PLSCR2: variants seen among roughly 807,000 people sequenced by gnomAD.
PLSCR2 encodes PL scramblase 2.
Under a neutral mutation model 25.3 loss-of-function variants are expected in PLSCR2, and 18 were observed. That is an observed-to-expected ratio of 0.71 (90% CI 0.49 to 1.06). The LOEUF (loss-of-function observed/expected upper bound fraction) is 1.06. Ranked by LOEUF, PLSCR2 falls within the 50% of genes least tolerant of loss-of-function variation. The probability of loss-of-function intolerance (pLI) is 0.00; values close to 1 mark genes in which losing one functional copy is unlikely to be tolerated. For synonymous variants in PLSCR2, 88 were observed against 87.3 expected (o/e 1.01, Z -0.04); for missense variants, 243 against 269.5 (o/e 0.90, Z 0.69).
At chr3:146,434,771 T>C (rs2039728694) in intron 8 of PLSCR2, among the ~76,000 whole-genome samples, 1 of 152,124 alleles carries the variant, frequency 6.6e-6, no homozygotes, top group Non-Finnish European at 1.5e-5. Context: ...TTTATTTATT[T>C]ATTTACTTTT....
intron 2 of PLSCR2, among the ~76,000 whole-genome samples, chr3:146,421,963 T>C (rs2108077776): frequency 6.6e-6 from 1 of 152,230 alleles, no homozygotes; most frequent in Middle Eastern, 3.4e-3. Flanking sequence ...TTATCTTATT[T>C]GCCTGGCCCC....
chr3:146,480,080 C>T (rs929579977), intron 1 of PLSCR2, among the ~76,000 whole-genome samples: 3 of 152,092 alleles, frequency 2.0e-5, no homozygotes, highest in African/African-American at 4.8e-5. Context: ...GGGACACATT[C>T]AAAGCCGTAT....
Position 146,454,063 on chromosome 3 carries a change from TC to T in PLSCR2, c.421del (p.Asp141MetfsTer3). ...ACATGGACCACTAATTTTTAGTACA[TC>T]CTCTCTTTTCTGATTTTTAATTGTA... On this transcript the variant is annotated frameshift_variant, in exon 5 of 7. Coordinates refer to ENST00000610787, the Ensembl canonical transcript of PLSCR2. LOFTEE classifies it high-confidence loss of function. 1 of 1,610,452 alleles carries T rather than the reference TC, an allele frequency of 6.2e-7. No homozygotes were observed. The highest frequency in any genetic ancestry group is 8.5e-7 in the Non-Finnish European group (1 of 1,178,788).
chr3:146,466,611 G>A (rs1297731520), intron 1 of PLSCR2, among the ~76,000 whole-genome samples: 1 of 152,170 alleles, frequency 6.6e-6, no homozygotes, highest in Admixed American at 6.5e-5. Context: ...CTTAAAGTCA[G>A]TTATTCTCAT....
At chr3:146,483,495 A>ATATATATATATATATACATGTG (rs1227332975) in intron 1 of PLSCR2, among the ~76,000 whole-genome samples, 1 of 113,090 alleles carries the variant, frequency 8.8e-6, no homozygotes, top group African/African-American at 3.4e-5. Flanking sequence ...ATATATATAT[A>ATATATATATATATATACATGTG]TATATATATA....
intron 1 of PLSCR2, among the ~76,000 whole-genome samples, chr3:146,473,676 C>T (rs1440579881): frequency 1.3e-5 from 2 of 152,186 alleles, no homozygotes; most frequent in Non-Finnish European, 2.9e-5. Flanking sequence ...CTAATCAAAA[C>T]TCAGTATCTG....
chr3:146,461,369 T>C (rs1278316474), upstream of PLSCR2, among the ~76,000 whole-genome samples: 1 of 152,210 alleles, frequency 6.6e-6, no homozygotes, highest in Admixed American at 6.5e-5. Flanking sequence ...TTATAATTTA[T>C]TCCTCCTACG....
chr3:146,431,885 A>C (rs1339042766), downstream of PLSCR2, among the ~76,000 whole-genome samples: 1 of 149,978 alleles, frequency 6.7e-6, no homozygotes, highest in Non-Finnish European at 1.5e-5. Flanking sequence ...AAAAGACTTT[A>C]TTATCTTCTT....
intron 2 of PLSCR2, among the ~76,000 whole-genome samples, chr3:146,418,114 C>A (rs997000036): frequency 6.6e-6 from 1 of 152,116 alleles, no homozygotes; most frequent in African/African-American, 2.4e-5. Context: ...ATCCTTAATG[C>A]AATTATGTTT....
intron 2 of PLSCR2, among the ~76,000 whole-genome samples, chr3:146,404,649 G>A (rs2038589854): frequency 6.6e-6 from 1 of 152,094 alleles, no homozygotes; most frequent in South Asian, 2.1e-4. Flanking sequence ...AACATCTAGA[G>A]TCTCATCTGA....
chr3:146,404,828 G>GGA (rs1423494647), intron 2 of PLSCR2, among the ~76,000 whole-genome samples: 26 of 150,438 alleles, frequency 1.7e-4, no homozygotes, highest in Non-Finnish European at 3.4e-4. Flanking sequence ...AAAAGGGGGG[G>GGA]GGTGGTGGTT....
chr3:146,423,110 G>T (rs2039205708), intron 2 of PLSCR2, among the ~76,000 whole-genome samples: 1 of 151,966 alleles, frequency 6.6e-6, no homozygotes, highest in South Asian at 2.1e-4. Context: ...ATTCAGCTGT[G>T]ACTGAGACCT....
chr3:146,475,560 T>G (rs2042258413), intron 1 of PLSCR2, among the ~76,000 whole-genome samples: 1 of 152,190 alleles, frequency 6.6e-6, no homozygotes, highest in African/African-American at 2.4e-5. Flanking sequence ...GCTGGTGGTG[T>G]TTTTCCTATT....
chr3:146,445,234 T>C lies in PLSCR2; in HGVS notation c.646-3413A>G, dbSNP rs566909336. On this transcript the variant is annotated intron_variant, in intron 6 of 6. Transcript: ENST00000610787. ...AGTGTTATAATATTCTGTGTTTATC[T>C]GTGTACTTACTATTACCAGTGAGTT... 8.5e-5 allele frequency among the ~76,000 whole-genome samples: 13 copies of C among 152,250 alleles called. No homozygotes were observed. In the South Asian group the frequency reaches 2.7e-3, roughly 32 times the overall value.
intron 1 of PLSCR2, among the ~76,000 whole-genome samples, chr3:146,484,377 T>G (rs2043266588): frequency 6.6e-6 from 1 of 151,834 alleles, no homozygotes; most frequent in African/African-American, 2.4e-5. Flanking sequence ...CAGGATATCA[T>G]CCAGAAGAGC....
rs189877109 is a variant in PLSCR2 at position 146,445,854 on chromosome 3, T to G, written c.645+3352A>C. ...TTGTTTTTTATTTTTTATTTTTGTCTCCTCTGTCTATTTTCAAATATCCTG... is the reference window on the plus strand; with the variant it reads ...TTGTTTTTTATTTTTTATTTTTGTCGCCTCTGTCTATTTTCAAATATCCTG... On this transcript the variant is annotated intron_variant, in intron 6 of 6. Transcript: ENST00000610787. Among the ~76,000 whole-genome samples the G allele has an allele frequency of 1.4e-3, 220 of 152,240 alleles. 1 individual carries two copies. The highest frequency in any genetic ancestry group is 4.7e-3 in the African/African-American group (195 of 41,540).
At position 146,458,295 on chromosome 3, in the gene PLSCR2, A is replaced by C. The variant is rs2041338232; in HGVS notation, c.100+116T>G. On this transcript the variant is annotated intron_variant, in intron 3 of 6. Coordinates refer to ENST00000610787, the Ensembl canonical transcript of PLSCR2. The stretch of plus-strand genomic sequence containing the variant: ...ATTGTAAAGACAGACATTCGTAAAT[A>C]GTCAGTTTTACCATCCCACATCACT... 13 of 789,212 alleles carry C rather than the reference A, an allele frequency of 1.6e-5. No individual in the cohort carries two copies. In the South Asian group the frequency reaches 2.7e-4, roughly 17 times the overall value. The allele number at this position is 789,212 out of a possible 1,614,324, so 48.9% of individuals were successfully genotyped here.
chr3:146,434,040 A>G (rs2039672340), intron 8 of PLSCR2, among the ~76,000 whole-genome samples: 1 of 152,154 alleles, frequency 6.6e-6, no homozygotes, highest in African/African-American at 2.4e-5. Flanking sequence ...CAAATTACAA[A>G]TGCCTTTAAG....
At chr3:146,466,198 A>C (rs2108462412) in intron 1 of PLSCR2, among the ~76,000 whole-genome samples, 1 of 152,028 alleles carries the variant, frequency 6.6e-6, no homozygotes, top group South Asian at 2.1e-4. Context: ...ATTGAGACAG[A>C]GTCTTGCTCT....
Sources: gnomAD v4.1 joint callset for allele counts (sites outside exome capture counted in the v4.1 genomes callset) on GRCh38, gnomAD v4.1.1 for gene constraint, MANE v1.5 for transcripts, NCBI Gene and HGNC (gene_info 2026-07-23, HGNC 2026-07-21) for gene names.